Variants in KCNK10 observed in about 807,000 individuals in gnomAD.
KCNK10 encodes the protein potassium channel subfamily K member 10.
Under a neutral mutation model 47.7 loss-of-function variants are expected in KCNK10, and 25 were observed. The observed-to-expected ratio is 0.52, with a 90% CI of 0.38 to 0.73. The LOEUF is 0.73. Ranked by LOEUF, KCNK10 falls within the 30% of genes least tolerant of loss-of-function variation. The pLI is 0.00. For missense variants in KCNK10, 563 were observed against 714.5 expected, an observed-to-expected ratio of 0.79 and a Z score of 2.42; for synonymous variants, 303 against 285.6, an observed-to-expected ratio of 1.06 and a Z score of -0.61.
At chr14:88,323,920 G>T (rs1462142957), upstream of KCNK10, among the ~76,000 whole-genome samples, 1 of 152,160 alleles carries the variant, frequency 6.6e-6, no homozygotes, top group Non-Finnish European at 1.5e-5. Flanking sequence ...ACTCCAAGGA[G>T]GCCCGTGCCA....
chr14:88,239,856 T>C lies in KCNK10; in HGVS notation c.520+847A>G, dbSNP rs947716804. On this transcript the variant is annotated intron_variant, in intron 3 of 6. Coordinates refer to ENST00000319231, the MANE Select transcript of KCNK10 (RefSeq NM_138317.3). ...CCTGGGTGATAAGAGTGAAACTCCA[T>C]CTCAAAAAATAAAATAAAATAAAAT... Among the ~76,000 whole-genome samples the C allele has an allele frequency of 2.9e-5, 4 of 138,148 alleles. No homozygotes were observed. The East Asian group carries it at 8.4e-4, about 29-fold the overall frequency. The allele number at this position is 138,148 out of a possible 152,430, so 90.6% of individuals were successfully genotyped here.
chr14:88,197,499 G>C (rs1434145506), intron 4 of KCNK10, among the ~76,000 whole-genome samples: 2 of 140,180 alleles, frequency 1.4e-5, no homozygotes, highest in Admixed American at 1.5e-4. Context: ...ACTTGAACCC[G>C]GGAGGCAGAG....
In KCNK10 at chr14:88,240,686, AGC is replaced by A. The variant is rs746840927; in HGVS notation, c.520+15_520+16del. 10 of 1,516,988 alleles carry A rather than the reference AGC, an allele frequency of 6.6e-6. No individual in the cohort carries two copies. Among genetic ancestry groups the A allele is most frequent in the Non-Finnish European group, 9.2e-6 (10 of 1,091,616 alleles). The allele number at this position is 1,516,988 out of a possible 1,614,324, so 94.0% of individuals were successfully genotyped here. ...GATGACCTGCAGAGGAAGAGATATTAGCAAACAAACGGGTACCTATGGTCGTA... is the reference window on the plus strand; with the variant it reads ...GATGACCTGCAGAGGAAGAGATATTAAAACAAACGGGTACCTATGGTCGTA... On this transcript the variant is annotated intron_variant, in intron 3 of 6. Transcript: ENST00000319231.
At chr14:88,291,170 T>C (rs1887868059) in intron 1 of KCNK10, among the ~76,000 whole-genome samples, 1 of 152,226 alleles carries the variant, frequency 6.6e-6, no homozygotes. Flanking sequence ...GTTGGCTTTC[T>C]CAGGCACAGG....
At chr14:88,250,342 T>C (rs1886759736) in intron 2 of KCNK10, among the ~76,000 whole-genome samples, 1 of 152,204 alleles carries the variant, frequency 6.6e-6, no homozygotes, top group Admixed American at 6.5e-5. Flanking sequence ...AAGCATCTTT[T>C]GCGTGACTGC....
chr14:88,314,541 T>C (rs972432656), intron 1 of KCNK10, among the ~76,000 whole-genome samples: 2 of 152,240 alleles, frequency 1.3e-5, no homozygotes, highest in African/African-American at 2.4e-5. Context: ...TTCCAAGCCA[T>C]GTTCTTTCAC....
intron 3 of KCNK10, among the ~76,000 whole-genome samples, chr14:88,233,973 C>T (rs1886225143): frequency 6.6e-6 from 1 of 152,158 alleles, no homozygotes; most frequent in African/African-American, 2.4e-5. Context: ...CTTGAAGTGG[C>T]CCAGACTTTC....
At position 88,280,042 on chromosome 14, in the gene KCNK10, C is replaced by T. The variant is rs144780981; in HGVS notation, c.53-16491G>A. Among the ~76,000 whole-genome samples, 788 of 152,256 alleles carry T rather than the reference C, an allele frequency of 5.2e-3. 8 individuals are homozygous for T. The highest frequency in any genetic ancestry group is 0.018 in the African/African-American group (751 of 41,536). ...TAAGTCCAATTAAACCTCTCCTTCC[C>T]GGTCTTGGTTATGTCTTTATCAGCA... is the stretch of plus-strand genomic sequence containing the variant. On this transcript the variant is annotated intron_variant, in intron 1 of 6. Transcript: ENST00000319231.
chr14:88,257,190 C>T (rs865890458), intron 2 of KCNK10, among the ~76,000 whole-genome samples: 30 of 152,260 alleles, frequency 2.0e-4, no homozygotes, highest in South Asian at 8.3e-4. Context: ...TCCTTCTTCC[C>T]GTTTCTCCTT....
At chr14:88,255,612 G>A (rs959795689) in intron 2 of KCNK10, among the ~76,000 whole-genome samples, 10 of 152,028 alleles carry the variant, frequency 6.6e-5, no homozygotes, top group Admixed American at 2.6e-4. Flanking sequence ...TCCATTTCAC[G>A]GTGGAGAGGC....
chr14:88,198,138 T>A (rs1940549), intron 4 of KCNK10, among the ~76,000 whole-genome samples: 28,964 of 152,206 alleles, frequency 0.19, 3,102 homozygotes, highest in East Asian at 0.41. Flanking sequence ...ATGCCAACTG[T>A]AATGGACGAC....
intron 1 of KCNK10, among the ~76,000 whole-genome samples, chr14:88,275,809 G>C (rs1465814505): frequency 2.6e-5 from 4 of 152,028 alleles, no homozygotes; most frequent in Middle Eastern, 3.2e-3. Context: ...GGAGGTTGGA[G>C]TGAGCTGAGA....
chr14:88,284,031 G>A (rs1887712284), intron 1 of KCNK10, among the ~76,000 whole-genome samples: 1 of 152,056 alleles, frequency 6.6e-6, no homozygotes, highest in Non-Finnish European at 1.5e-5. Flanking sequence ...CATATATTAA[G>A]TTTAACACAA....
intron 4 of KCNK10, among the ~76,000 whole-genome samples, chr14:88,208,681 A>T (rs71425308): frequency 0.22 from 33,013 of 151,910 alleles, 4,664 homozygotes; most frequent in Non-Finnish European, 0.31. Flanking sequence ...TTTATTTTTT[A>T]AAAAAAATCA....
chr14:88,233,022 T>C (rs1886198665), intron 3 of KCNK10, among the ~76,000 whole-genome samples: 1 of 152,188 alleles, frequency 6.6e-6, no homozygotes, highest in Non-Finnish European at 1.5e-5. Context: ...GCTCAGTCAC[T>C]AGCTGTGGAG....
intron 2 of KCNK10, among the ~76,000 whole-genome samples, chr14:88,243,285 T>C (rs907633351): frequency 6.6e-6 from 1 of 152,212 alleles, no homozygotes; most frequent in Non-Finnish European, 1.5e-5. Flanking sequence ...TTCCATTCTA[T>C]CCTTTCCATA....
chr14:88,204,184 G>C (rs1481785303), intron 4 of KCNK10, among the ~76,000 whole-genome samples: 1 of 152,216 alleles, frequency 6.6e-6, no homozygotes, highest in African/African-American at 2.4e-5. Flanking sequence ...AGAGGGCTAA[G>C]AAGAGAAGGG....
chr14:88,240,874 TTTTC>T, intron 2 of KCNK10, 54 bp from the exon 3 acceptor site: 1 of 1,185,030 alleles, frequency 8.4e-7, no homozygotes, highest in Non-Finnish European at 1.2e-6. Flanking sequence ...TTTATTTTTT[TTTTC>T]TTCAAAAAAA....
intron 2 of KCNK10, among the ~76,000 whole-genome samples, chr14:88,255,180 T>G (rs1886913067): frequency 1.3e-5 from 2 of 152,166 alleles, no homozygotes; most frequent in Non-Finnish European, 2.9e-5. Context: ...AGCCTTTTCC[T>G]TGGAGTAAAA....
Sources: allele counts gnomAD v4.1 joint callset (sites outside exome capture counted in the v4.1 genomes callset), GRCh38; gene constraint gnomAD v4.1.1; transcripts MANE v1.5; gene names NCBI Gene and HGNC (gene_info 2026-07-23, HGNC 2026-07-21).